Variants in DGLUCY observed in about 807,000 individuals in gnomAD.
DGLUCY encodes the protein D-glutamate cyclase, mitochondrial.
Under a neutral mutation model 58.5 loss-of-function variants are expected in DGLUCY, and 58 were observed. That is an observed-to-expected ratio of 0.99 (90% confidence interval 0.80 to 1.23). The LOEUF (loss-of-function observed/expected upper bound fraction) is 1.23. Ranked by LOEUF, DGLUCY falls within the 50% of genes most tolerant of loss-of-function variation. DGLUCY has a pLI of 0.00. For missense variants in DGLUCY, 779 were observed against 784.7 expected (o/e 0.99, Z 0.09); for synonymous variants, 325 against 314.1 (o/e 1.03, Z -0.37).
At chr14:91,091,889 C>T (rs1326385227) in intron 1 of DGLUCY, among the ~76,000 whole-genome samples, 1 of 152,170 alleles carries the variant, frequency 6.6e-6, no homozygotes, top group East Asian at 1.9e-4. Context: ...CTCTCCTCTG[C>T]TCTAAAACAT....
At position 91,204,699 on chromosome 14, in the gene DGLUCY, C is replaced by T. The variant is rs1204852056; in HGVS notation, c.1445-7C>T. The T allele has an allele frequency of 1.2e-6, 2 of 1,613,566 alleles. No homozygotes were observed. Among genetic ancestry groups the T allele is most frequent in the South Asian group, 2.2e-5 (2 of 90,916 alleles). ...CCGTGCACTGACTCAGCTCCCCTTC[C>T]CTTCAGGAGTCGGTGATGGAGGCAA... is the stretch of plus-strand genomic sequence containing the variant. On this transcript the variant is annotated splice_polypyrimidine_tract_variant and splice_region_variant and intron_variant, in intron 11 of 13. Transcript: ENST00000256324.
At chr14:91,064,735 A>G (rs1043941357) in intron 1 of DGLUCY, among the ~76,000 whole-genome samples, 13 of 152,158 alleles carry the variant, frequency 8.5e-5, no homozygotes, top group Non-Finnish European at 1.5e-5. Context: ...TATTTCCAGA[A>G]GAAGGGAATG....
At position 91,206,707 on chromosome 14, in the gene DGLUCY, A is replaced by G. The variant is rs139063313; in HGVS notation, c.1564+1882A>G. On this transcript the variant is annotated intron_variant, in intron 12 of 13. Coordinates refer to ENST00000256324, the MANE Select transcript of DGLUCY (RefSeq NM_001102368.3). ...CCAGCTGCAGTTCCTTTTACCAAGT[A>G]AATTATGTCCACCTTTCAACAACAA... Among the ~76,000 whole-genome samples the G allele has an allele frequency of 4.0e-3, 606 of 152,254 alleles. 4 individuals carry two copies. The highest frequency in any genetic ancestry group is 0.014 in the African/African-American group (572 of 41,552).
At chr14:91,087,222 A>G (rs1428400495) in intron 1 of DGLUCY, among the ~76,000 whole-genome samples, 1 of 152,214 alleles carries the variant, frequency 6.6e-6, no homozygotes, top group Non-Finnish European at 1.5e-5. Flanking sequence ...CTAGAATCGA[A>G]TCAGACATTG....
At chr14:91,119,991 T>G (rs1330120591) in intron 1 of DGLUCY, among the ~76,000 whole-genome samples, 1 of 152,186 alleles carries the variant, frequency 6.6e-6, no homozygotes, top group Non-Finnish European at 1.5e-5. Flanking sequence ...AAGGCTGCAT[T>G]GTTGGCTTCC....
At chr14:91,062,929 A>T (rs2043757164) in intron 1 of DGLUCY, among the ~76,000 whole-genome samples, 1 of 152,172 alleles carries the variant, frequency 6.6e-6, no homozygotes, top group Admixed American at 6.5e-5. Context: ...AAGTACTGTA[A>T]TAGGTGCTAG....
chr14:91,130,228 C>T (rs757630892), intron 1 of DGLUCY, among the ~76,000 whole-genome samples: 4 of 152,036 alleles, frequency 2.6e-5, no homozygotes, highest in South Asian at 2.1e-4. Flanking sequence ...GTCAACCCCA[C>T]AAGTGTGGCC....
At chr14:91,121,651 TA>T (rs2045373119) in intron 1 of DGLUCY, among the ~76,000 whole-genome samples, 1 of 134,786 alleles carries the variant, frequency 7.4e-6, no homozygotes, top group Non-Finnish European at 1.7e-5. Flanking sequence ...ATAATAATAA[TA>T]ATTTCAAGAA....
chr14:91,092,307 G>A (rs1425192401), intron 1 of DGLUCY, among the ~76,000 whole-genome samples: 1 of 152,196 alleles, frequency 6.6e-6, no homozygotes, highest in African/African-American at 2.4e-5. Context: ...CCACCATGGT[G>A]CTTAGAATAG....
At chr14:91,117,164 A>G (rs1229276747) in intron 1 of DGLUCY, among the ~76,000 whole-genome samples, 1 of 152,188 alleles carries the variant, frequency 6.6e-6, no homozygotes, top group African/African-American at 2.4e-5. Context: ...GTAAACTGTC[A>G]TGGTGCTGGT....
upstream of DGLUCY, among the ~76,000 whole-genome samples, chr14:91,112,223 T>C (rs1685736219): frequency 6.8e-6 from 1 of 147,472 alleles, no homozygotes; most frequent in South Asian, 2.1e-4. Context: ...CACTCCAGCC[T>C]GGGCAACAAG....
upstream of DGLUCY, among the ~76,000 whole-genome samples, chr14:91,107,108 A>C (rs2044605778): frequency 6.6e-6 from 1 of 152,200 alleles, no homozygotes; most frequent in Admixed American, 6.5e-5. Flanking sequence ...TCAATTTTCA[A>C]ATTTTTATGT....
chr14:91,179,239 G>C (rs989475135), intron 7 of DGLUCY, among the ~76,000 whole-genome samples: 1 of 152,166 alleles, frequency 6.6e-6, no homozygotes, highest in Non-Finnish European at 1.5e-5. Flanking sequence ...TAAATAGTAT[G>C]GTATTAAGCA....
chr14:91,177,166 T>C (rs998440037), intron 7 of DGLUCY, among the ~76,000 whole-genome samples: 1 of 152,050 alleles, frequency 6.6e-6, no homozygotes, highest in African/African-American at 2.4e-5. Context: ...ACCAAACCAA[T>C]TTTTAGAAAT....
At chr14:91,061,550 T>C (rs1344847204) in intron 1 of DGLUCY, among the ~76,000 whole-genome samples, 1 of 152,208 alleles carries the variant, frequency 6.6e-6, no homozygotes, top group Non-Finnish European at 1.5e-5. Flanking sequence ...GCAATAATTA[T>C]TCCCAGACGA....
At position 91,083,150 on chromosome 14, in the gene DGLUCY, A is replaced by T. The variant is rs1253607111; in HGVS notation, c.-82+22446A>T. Among the ~76,000 whole-genome samples the T allele has an allele frequency of 3.3e-5, 5 of 152,212 alleles. No individual in the cohort carries two copies. In the East Asian group the frequency reaches 9.6e-4, roughly 29 times the overall value. On this transcript the variant is annotated intron_variant, in intron 1 of 4. Coordinates refer to the DGLUCY transcript ENST00000521334. ...ATGTTGGGAATAGTGCAGGGAAAAG[A>T]GCCACATTTGTGGCCTGCCCTAAGC...
At chr14:91,110,361 G>T (rs1332576030), upstream of DGLUCY, among the ~76,000 whole-genome samples, 1 of 151,902 alleles carries the variant, frequency 6.6e-6, no homozygotes, top group Non-Finnish European at 1.5e-5. Context: ...CATGTTGCAA[G>T]CCCTGCTTGG....
intron 1 of DGLUCY, among the ~76,000 whole-genome samples, chr14:91,072,966 G>A (rs1463433501): frequency 6.6e-6 from 1 of 151,968 alleles, no homozygotes; most frequent in Non-Finnish European, 1.5e-5. Context: ...CCAAGATCAT[G>A]CCACTGCACT....
intron 1 of DGLUCY, among the ~76,000 whole-genome samples, chr14:91,122,895 C>G (rs1318688486): frequency 1.3e-5 from 2 of 152,166 alleles, no homozygotes; most frequent in Non-Finnish European, 2.9e-5. Flanking sequence ...GCGTGAGCCA[C>G]GGTGCTTGGC....
Sources: allele counts gnomAD v4.1 joint callset (sites outside exome capture counted in the v4.1 genomes callset), GRCh38; gene constraint gnomAD v4.1.1; transcripts MANE v1.5; gene names NCBI Gene and HGNC (gene_info 2026-07-23, HGNC 2026-07-21).